Variants in NDRG2 observed in about 807,000 individuals in gnomAD.
NDRG2 encodes the protein NDRG family member 2.
Under a neutral mutation model 58.2 loss-of-function variants are expected in NDRG2, and 34 were observed. That is an observed-to-expected ratio of 0.58 (90% CI 0.44 to 0.78). The LOEUF (loss-of-function observed/expected upper bound fraction) is 0.78, where lower values mean the gene tolerates loss of function less well. NDRG2 is among the 30% of genes least tolerant of loss of function. The pLI is 0.00. For missense variants in NDRG2, 434 were observed against 471.2 expected (o/e 0.92, Z 0.73); for synonymous variants, 187 against 175.9 (o/e 1.06, Z -0.50).
At chr14:21,021,498 TCTGGTTCCTC>T in intron 6 of NDRG2, 1 of 378,630 alleles carries the variant, frequency 2.6e-6, no homozygotes, top group Non-Finnish European at 4.9e-6. Flanking sequence ...GACAGGTCTA[TCTGGTTCCTC>T]AGGGATTATG....
At chr14:21,038,280 A>T (rs978035138) in intron 1 of NDRG2, among the ~76,000 whole-genome samples, 1 of 152,242 alleles carries the variant, frequency 6.6e-6, no homozygotes, top group Admixed American at 6.5e-5. Flanking sequence ...GGTCACTTAT[A>T]TGCAAGGCAT....
Position 21,019,096 on chromosome 14 carries a change from ATTATCTCTTAAAGTC to A in NDRG2, c.761+5_761+19del. 6.3e-7 allele frequency: 1 copy of A among 1,594,500 alleles called. No homozygotes were observed. Among genetic ancestry groups the A allele is most frequent in the South Asian group, 1.1e-5 (1 of 88,126 alleles). On this transcript the variant is annotated splice_donor_5th_base_variant and intron_variant, in intron 11 of 15. Coordinates refer to ENST00000556147, the MANE Select transcript of NDRG2 (RefSeq NM_001320329.2). ...GAAGATCCAGGGAGACAGGCAATGC[ATTATCTCTTAAAGTC>A]TTACCTGAGGGTGATATCACCTCCA... is the stretch of plus-strand genomic sequence containing the variant.
intron 9 of NDRG2, 75 bp downstream of exon 9, chr14:21,019,845 C>G: frequency 6.4e-7 from 1 of 1,555,152 alleles, no homozygotes; most frequent in South Asian, 1.1e-5. Context: ...CCTGTCCCAG[C>G]TAAGGAAGTT....
upstream of NDRG2, chr14:21,030,583 T>A: frequency 6.2e-7 from 1 of 1,613,326 alleles, no homozygotes; most frequent in African/African-American, 1.3e-5. Flanking sequence ...TAGCTGACCA[T>A]GGCATCAGAG....
upstream of NDRG2, chr14:21,028,991 AAG>A (rs1883881989): frequency 6.6e-6 from 1 of 152,202 alleles, no homozygotes; most frequent in Non-Finnish European, 1.5e-5. Context: ...GAAAAGGCCG[AAG>A]AGAGAAAACC....
Position 21,053,834 on chromosome 14 carries a change from A to G in NDRG2, c.24+16994T>C, listed in dbSNP as rs113031558. The stretch of plus-strand genomic sequence containing the variant: ...AGAAAAAAAAAATACACTTCTGATC[A>G]GAGCAAGAGCTAAGATTCAATGAAC... On this transcript the variant is annotated intron_variant, in intron 1 of 14. Coordinates refer to the NDRG2 transcript ENST00000403829. 2.1e-3 allele frequency among the ~76,000 whole-genome samples: 319 copies of G among 152,268 alleles called. 2 individuals carry two copies. Among genetic ancestry groups the G allele is most frequent in the Non-Finnish European group, 3.6e-3 (242 of 68,018 alleles).
chr14:21,019,255 A>T, intron 10 of NDRG2, 95 bp from the exon 11 acceptor site: 1 of 1,237,346 alleles, frequency 8.1e-7, no homozygotes, highest in Admixed American at 2.3e-5. Flanking sequence ...TCTTTGTCTA[A>T]AAATTACGGT....
chr14:21,028,418 ATTT>A (rs1215824016), upstream of NDRG2: 1 of 151,898 alleles, frequency 6.6e-6, no homozygotes, highest in Non-Finnish European at 1.5e-5. Context: ...CTCCCAACTA[ATTT>A]TTTTATTATT....
upstream of NDRG2, among the ~76,000 whole-genome samples, chr14:21,027,207 T>C (rs1240174895): frequency 6.6e-6 from 1 of 152,180 alleles, no homozygotes; most frequent in Non-Finnish European, 1.5e-5. Flanking sequence ...CCCTAAGATA[T>C]GGTTCTTCCA....
chr14:21,053,531 G>A (rs542778352), intron 1 of NDRG2, among the ~76,000 whole-genome samples: 8 of 152,262 alleles, frequency 5.3e-5, no homozygotes, highest in African/African-American at 1.7e-4. Context: ...AGAGGCTGAG[G>A]CAGGAGAATC....
rs1164641438 is a variant in NDRG2 at position 21,024,225 on chromosome 14, T to G, written c.-202A>C. 14 of 985,344 alleles carry G rather than the reference T, an allele frequency of 1.4e-5. No homozygotes were observed. Among genetic ancestry groups the G allele is most frequent in the Non-Finnish European group, 1.7e-5 (14 of 830,020 alleles). 61.0% of individuals were successfully genotyped at this position (985,344 alleles called of 1,614,324 possible). On this transcript the variant is annotated 5_prime_UTR_variant, in exon 1 of 16. Coordinates refer to ENST00000556147, the MANE Select transcript of NDRG2 (RefSeq NM_001320329.2). ...TCCTCGGGTCACTAACCCTCCCCAG[T>G]GTCTGTCTACCCCTAAGTCCAGAGA...
chr14:21,022,021 T>A, intron 5 of NDRG2, 41 bp downstream of exon 5: 1 of 1,614,084 alleles, frequency 6.2e-7, no homozygotes, highest in African/African-American at 1.3e-5. Context: ...ACCTGTCCTG[T>A]TCCTCACAGT....
chr14:21,040,912 T>C (rs1884860826), intron 1 of NDRG2, among the ~76,000 whole-genome samples: 1 of 152,248 alleles, frequency 6.6e-6, no homozygotes, highest in Non-Finnish European at 1.5e-5. Context: ...ACGTATTTTT[T>C]TTTACTGTCT....
At chr14:21,040,980 G>GTTGTTTGTTTGT (rs144685402) in intron 1 of NDRG2, among the ~76,000 whole-genome samples, 7 of 150,688 alleles carry the variant, frequency 4.6e-5, no homozygotes, top group South Asian at 4.2e-4. Context: ...GTTTTTTGTT[G>GTTGTTTGTTTGT]TTGTTTGTTT....
chr14:21,025,262 T>C, upstream of NDRG2: 1 of 881,650 alleles, frequency 1.1e-6, no homozygotes, highest in Non-Finnish European at 1.4e-6. The surrounding 1 kb of genome is among the most constrained non-coding windows in gnomAD (Gnocchi z 5.1). Context: ...GGCTGGACGC[T>C]TCCAGGCTCT....
intron 1 of NDRG2, among the ~76,000 whole-genome samples, chr14:21,041,928 G>A (rs924440906): frequency 6.6e-6 from 1 of 152,142 alleles, no homozygotes; most frequent in Non-Finnish European, 1.5e-5. Context: ...AGATGACAAG[G>A]AACCAGACAA....
intron 1 of NDRG2, among the ~76,000 whole-genome samples, chr14:21,064,529 T>C (rs942878329): frequency 2.0e-5 from 3 of 152,244 alleles, no homozygotes; most frequent in Non-Finnish European, 4.4e-5. Flanking sequence ...CTTGAACTCC[T>C]GACCTCAGGT....
Position 21,024,960 on chromosome 14 carries a change from A to G in NDRG2, c.-937T>C, listed in dbSNP as rs1470690234. On this transcript the variant is annotated 5_prime_UTR_variant, in exon 1 of 16. Transcript: ENST00000556147. ...CTCCAGCTCCAGGGGACGCGGATCA[A>G]TCACACCGCCCGCCGGCCCGGCTGG... The G allele has an allele frequency of 1.0e-6, 1 of 985,416 alleles. No homozygotes were observed. The highest frequency in any genetic ancestry group is 1.2e-6 in the Non-Finnish European group (1 of 830,056). 61.0% of individuals were successfully genotyped at this position (985,416 alleles called of 1,614,324 possible).
Position 21,023,243 on chromosome 14 carries a change from T to G in NDRG2, c.73A>C (p.Lys25Gln), listed in dbSNP as rs1343306088. The G allele has an allele frequency of 6.2e-7, 1 of 1,613,828 alleles. No individual in the cohort carries two copies. The highest frequency in any genetic ancestry group is 8.5e-7 in the Non-Finnish European group (1 of 1,179,838). The change falls in exon 2 of 16, where the codon AAG becomes CAG. Residue 25 changes from lysine to glutamine, a missense_variant and splice_region_variant. By Grantham distance (53) the Lys-to-Gln change is moderately conservative. Coordinates refer to ENST00000556147, the MANE Select transcript of NDRG2 (RefSeq NM_001320329.2). ...GGAGTCAAACGGTCTCTAATAACCT[T>G]GGCCGCCTCAGGCGTCTGTCCTGGC... The part of the protein sequence containing the change: ...LLPGQTPEAA[K>Q]EAELAARILL...
Sources: allele counts gnomAD v4.1 joint callset (sites outside exome capture counted in the v4.1 genomes callset), GRCh38; gene constraint gnomAD v4.1.1; non-coding constraint Gnocchi (gnomAD v3.1); transcripts MANE v1.5; gene names NCBI Gene and HGNC (gene_info 2026-07-23, HGNC 2026-07-21).